ADGRV1: variants seen among roughly 807,000 people sequenced by gnomAD.
ADGRV1 encodes adhesion G protein-coupled receptor V1, also known as G-protein coupled receptor 98.
In ADGRV1, 359 loss-of-function variants were observed where a neutral mutation model predicts 596.2. The observed-to-expected ratio is 0.60, with a 90% confidence interval of 0.55 to 0.66. The LOEUF is 0.66. Ranked by LOEUF, ADGRV1 falls within the 30% of genes least tolerant of loss-of-function variation. The pLI is 0.00. For synonymous variants in ADGRV1, 2,681 were observed against 2,679.2 expected, an observed-to-expected ratio of 1.00 and a Z score of -0.02; for missense variants, 7,274 against 7,575.6, an observed-to-expected ratio of 0.96 and a Z score of 1.48.
intron 87 of ADGRV1, among the ~76,000 whole-genome samples, chr5:91,146,706 A>C (rs1282422094): frequency 1.3e-5 from 2 of 152,244 alleles, no homozygotes; most frequent in African/African-American, 4.8e-5. Flanking sequence ...CTAAGAAAAA[A>C]TGGAAATAAG....
chr5:90,582,453 A>G (rs891006298), intron 1 of ADGRV1, among the ~76,000 whole-genome samples: 1 of 152,048 alleles, frequency 6.6e-6, no homozygotes, highest in African/African-American at 2.4e-5. Context: ...AATACCTTTC[A>G]TTGTCCTTCT....
At chr5:91,162,473 C>G (rs550703766) in intron 89 of ADGRV1, among the ~76,000 whole-genome samples, 162 of 152,096 alleles carry the variant, frequency 1.1e-3, no homozygotes, top group African/African-American at 3.6e-3. Flanking sequence ...CTTGGAAACC[C>G]TAGTGAGACA....
At chr5:90,637,410 A>G (rs1477512445) in intron 10 of ADGRV1, among the ~76,000 whole-genome samples, 1 of 152,154 alleles carries the variant, frequency 6.6e-6, no homozygotes, top group African/African-American at 2.4e-5. Flanking sequence ...AGATTGCTGT[A>G]TGTTTTTCAC....
chr5:90,915,291 A>G (rs776935931), intron 83 of ADGRV1, among the ~76,000 whole-genome samples: 24 of 152,230 alleles, frequency 1.6e-4, no homozygotes, highest in Non-Finnish European at 2.5e-4. Context: ...CAAGTAAAGA[A>G]TTTAAAATGA....
At chr5:90,564,709 C>T (rs1391322870) in intron 1 of ADGRV1, among the ~76,000 whole-genome samples, 8 of 32,144 alleles carry the variant, frequency 2.5e-4, no homozygotes, top group African/African-American at 4.6e-4. Flanking sequence ...TCACTGCAAG[C>T]TCCGCCTCCC....
At chr5:91,031,028 T>C in intron 85 of ADGRV1, 1 of 1,498,908 alleles carries the variant, frequency 6.7e-7, no homozygotes. Context: ...TTAGAAACCT[T>C]GACAAATGCC....
chr5:90,574,181 TA>T (rs60346790), intron 1 of ADGRV1, among the ~76,000 whole-genome samples: 13,349 of 151,796 alleles, frequency 0.088, 1,835 homozygotes, highest in African/African-American at 0.3. Flanking sequence ...TTTTTTTTTT[TA>T]AATTCTGTGA....
chr5:91,107,863 T>C (rs567362685), intron 87 of ADGRV1, among the ~76,000 whole-genome samples: 1 of 152,278 alleles, frequency 6.6e-6, no homozygotes, highest in South Asian at 2.1e-4. Flanking sequence ...ATTGAGCTCT[T>C]ATGGAGGTTT....
intron 75 of ADGRV1, among the ~76,000 whole-genome samples, chr5:90,822,487 T>G (rs910916711): frequency 6.6e-6 from 1 of 152,186 alleles, no homozygotes; most frequent in African/African-American, 2.4e-5. Flanking sequence ...CATTGATCTG[T>G]ATCTCTGTTT....
At chr5:90,804,197 G>A (rs1224455946) in intron 71 of ADGRV1, among the ~76,000 whole-genome samples, 3 of 152,186 alleles carry the variant, frequency 2.0e-5, no homozygotes, top group Admixed American at 6.5e-5. Flanking sequence ...GAGGTCAGGA[G>A]TTTGAGACTA....
At chr5:91,154,755 C>T (rs1277876970) in intron 89 of ADGRV1, among the ~76,000 whole-genome samples, 1 of 152,184 alleles carries the variant, frequency 6.6e-6, no homozygotes. Flanking sequence ...GCACCTTCTT[C>T]ACAGGGTGGC....
chr5:91,124,641 A>T (rs573890195), intron 87 of ADGRV1, among the ~76,000 whole-genome samples: 1 of 152,218 alleles, frequency 6.6e-6, no homozygotes, highest in Non-Finnish European at 1.5e-5. Context: ...ATAATGAAGG[A>T]TAGAAAAAAA....
In ADGRV1 at chr5:90,635,126, G is replaced by C; in HGVS notation, c.1852G>C (p.Glu618Gln). ...AHFLVQLETV[E>Q]LLNIIPLIPP... ...TTGTTTATTATAGTTGGAAACTGTG[G>C]AGTTGTTAAACATAATTCCTCTAAT... Residue 618 changes from glutamate (E) to glutamine (Q), a missense_variant, in exon 10 of 90, where the codon GAG (glutamate) becomes CAG (glutamine). Physicochemically the swap from Glu to Gln is conservative, Grantham distance 29 (BLOSUM62 2). Around this residue, in one of 5 missense-constraint regions of ADGRV1, gnomAD observed 1,715 missense variants for 1,708.8 expected, o/e 1.00. Coordinates refer to ENST00000405460, the MANE Select transcript of ADGRV1 (RefSeq NM_032119.4). 6.3e-7 allele frequency: 1 copy of C among 1,589,618 alleles called. No individual in the cohort carries two copies. The highest frequency in any genetic ancestry group is 8.6e-7 in the Non-Finnish European group (1 of 1,159,176).
chr5:90,626,503 T>G (rs1270551878), intron 6 of ADGRV1: 1 of 152,174 alleles, frequency 6.6e-6, no homozygotes, highest in African/African-American at 2.4e-5. Context: ...TTTTTTCACT[T>G]TTATTTCTAA....
intron 84 of ADGRV1, among the ~76,000 whole-genome samples, chr5:90,972,901 A>G (rs566240289): frequency 7.2e-5 from 11 of 152,208 alleles, no homozygotes; most frequent in Non-Finnish European, 1.6e-4. Flanking sequence ...CAAAAAATCA[A>G]TGAATCCAAG....
At chr5:91,125,530 TAG>T (rs1793675810) in intron 87 of ADGRV1, among the ~76,000 whole-genome samples, 1 of 152,160 alleles carries the variant, frequency 6.6e-6, no homozygotes, top group Non-Finnish European at 1.5e-5. Flanking sequence ...AATCACAGCA[TAG>T]AGTTAGACTT....
intron 42 of ADGRV1, among the ~76,000 whole-genome samples, chr5:90,714,586 T>C (rs1010549105): frequency 6.6e-6 from 1 of 152,106 alleles, no homozygotes; most frequent in African/African-American, 2.4e-5. Flanking sequence ...TTTTGATTTA[T>C]ATTTACATTA....
At chr5:90,790,815 A>T (rs1759984216) in intron 69 of ADGRV1, 58 bp from the exon 70 acceptor site, 1 of 1,100,002 alleles carries the variant, frequency 9.1e-7, no homozygotes, top group South Asian at 1.6e-5. Flanking sequence ...AATTTAAGGG[A>T]ATTTGGTGCA....
At chr5:91,058,448 G>A (rs2662278) in intron 85 of ADGRV1, among the ~76,000 whole-genome samples, 95,616 of 150,178 alleles carry the variant, frequency 0.64, 30,565 homozygotes, top group South Asian at 0.68. Flanking sequence ...CCATAAAATC[G>A]TTAGGTAATT....
Sources: allele counts gnomAD v4.1 joint callset (sites outside exome capture counted in the v4.1 genomes callset), GRCh38; gene constraint gnomAD v4.1.1; regional missense constraint gnomAD v4.1.1; transcripts MANE v1.5; gene names NCBI Gene and HGNC (gene_info 2026-07-23, HGNC 2026-07-21).